TPTE2: variants seen among roughly 807,000 people sequenced by gnomAD.
TPTE2 encodes transmembrane phosphoinositide 3-phosphatase and tensin homolog 2, also known as phosphatidylinositol 3,4,5-trisphosphate 3-phosphatase TPTE2.
A neutral mutation model predicts 78.6 loss-of-function variants in TPTE2; 53 were observed. The observed-to-expected ratio is 0.67, with a 90% CI of 0.54 to 0.85. The LOEUF is 0.85. TPTE2 is among the 40% of genes least tolerant of loss of function. The pLI is 0.00. For synonymous variants in TPTE2, 175 were observed against 206.2 expected (o/e 0.85, Z 1.30); for missense variants, 461 against 623.0 (o/e 0.74, Z 2.77).
intron 1 of TPTE2, among the ~76,000 whole-genome samples, chr13:19,521,694 A>T (rs1662486174): frequency 6.6e-6 from 1 of 152,060 alleles, no homozygotes; most frequent in Non-Finnish European, 1.5e-5. Context: ...TGCAATTAAC[A>T]TGTTGATTTA....
At chr13:19,476,138 G>A (rs1380064891) in intron 4 of TPTE2, among the ~76,000 whole-genome samples, 1 of 152,076 alleles carries the variant, frequency 6.6e-6, no homozygotes, top group Non-Finnish European at 1.5e-5. Context: ...CACATATGAG[G>A]TTGCAAATGA....
intron 1 of TPTE2, among the ~76,000 whole-genome samples, chr13:19,511,685 C>T (rs1312157938): frequency 6.6e-6 from 1 of 152,080 alleles, no homozygotes; most frequent in African/African-American, 2.4e-5. Context: ...GGGGGTCCCA[C>T]TGGCCAAATA....
the TPTE2 span, among the ~76,000 whole-genome samples, chr13:19,558,255 T>G: frequency 6.6e-6 from 1 of 152,218 alleles, no homozygotes; most frequent in Non-Finnish European, 1.5e-5. Flanking sequence ...ACTAGGGGTA[T>G]TTTTTGATTC....
At chr13:19,426,977 T>C (rs758414345) in intron 17 of TPTE2, among the ~76,000 whole-genome samples, 293 of 152,000 alleles carry the variant, frequency 1.9e-3, no homozygotes, top group Non-Finnish European at 1.6e-3. Flanking sequence ...AGTGCTGGAT[T>C]ACAGGCATGA....
At chr13:19,494,384 T>C (rs1280923216) in intron 1 of TPTE2, among the ~76,000 whole-genome samples, 1 of 152,216 alleles carries the variant, frequency 6.6e-6, no homozygotes, top group Admixed American at 6.5e-5. Flanking sequence ...CTGTTTTGTG[T>C]GTGTGTGTAC....
chr13:19,560,646 G>A, the TPTE2 span: 52 of 1,561,184 alleles, frequency 3.3e-5, no homozygotes, highest in South Asian at 2.0e-4. Context: ...CAGCAGGGTC[G>A]GGCAAGGCAT....
chr13:19,471,938 T>C (rs1275325529), intron 6 of TPTE2, among the ~76,000 whole-genome samples: 1 of 152,224 alleles, frequency 6.6e-6, no homozygotes, highest in Non-Finnish European at 1.5e-5. Flanking sequence ...TTTCACTGGA[T>C]ACACTGTTCT....
chr13:19,430,104 G>A (rs1000371772), intron 17 of TPTE2, among the ~76,000 whole-genome samples: 8 of 152,124 alleles, frequency 5.3e-5, no homozygotes. Context: ...TAGAATCAGT[G>A]CTATATAATA....
intron 1 of TPTE2, among the ~76,000 whole-genome samples, chr13:19,528,679 C>T (rs1475871494): frequency 6.6e-6 from 1 of 152,192 alleles, no homozygotes; most frequent in African/African-American, 2.4e-5. Flanking sequence ...CTCAGACTTC[C>T]TTCGAGGCTG....
At chr13:19,429,040 A>G (rs1876356291) in intron 17 of TPTE2, among the ~76,000 whole-genome samples, 1 of 152,212 alleles carries the variant, frequency 6.6e-6, no homozygotes, top group African/African-American at 2.4e-5. Flanking sequence ...TATATTATCT[A>G]ATTGAATTCC....
the TPTE2 span, chr13:19,561,128 G>C: frequency 1.2e-6 from 2 of 1,604,648 alleles, no homozygotes; most frequent in Non-Finnish European, 1.7e-6. Flanking sequence ...GAGGCAGTGG[G>C]TGGGAGCTGG....
intron 10 of TPTE2, among the ~76,000 whole-genome samples, chr13:19,460,896 G>A (rs1263974390): frequency 5.9e-5 from 9 of 152,152 alleles, no homozygotes; most frequent in Non-Finnish European, 8.8e-5. Context: ...CATATGCCCT[G>A]ACTATAATTT....
chr13:19,517,649 C>T (rs892148437), intron 1 of TPTE2, among the ~76,000 whole-genome samples: 12 of 152,158 alleles, frequency 7.9e-5, no homozygotes, highest in African/African-American at 2.7e-4. Context: ...TCAGAGACCT[C>T]ACCTCTAGGT....
chr13:19,471,055 G>A (rs1879583106), intron 6 of TPTE2, among the ~76,000 whole-genome samples: 1 of 151,802 alleles, frequency 6.6e-6, no homozygotes, highest in Non-Finnish European at 1.5e-5. Flanking sequence ...GACTACAGGT[G>A]TGCACCACCA....
chr13:19,487,488 C>T (rs1276222802), intron 3 of TPTE2, among the ~76,000 whole-genome samples: 1 of 152,048 alleles, frequency 6.6e-6, no homozygotes, highest in African/African-American at 2.4e-5. Context: ...GGCTTAGGGG[C>T]CTCTCCCACT....
intron 7 of TPTE2, among the ~76,000 whole-genome samples, chr13:19,466,802 T>C (rs1025069139): frequency 1.3e-5 from 2 of 152,206 alleles, no homozygotes; most frequent in African/African-American, 4.8e-5. Flanking sequence ...GGATTTGTAG[T>C]TGAAGCACAG....
the TPTE2 span, among the ~76,000 whole-genome samples, chr13:19,561,539 G>A: frequency 1.3e-5 from 2 of 152,190 alleles, no homozygotes; most frequent in Non-Finnish European, 2.9e-5. Context: ...CAAGGAAGAG[G>A]AAGTTCTTCC....
chr13:19,545,645 C>A, the TPTE2 span, among the ~76,000 whole-genome samples: 1 of 152,012 alleles, frequency 6.6e-6, no homozygotes, highest in Non-Finnish European at 1.5e-5. Flanking sequence ...TACAGAAGTC[C>A]CTACATGAAG....
the TPTE2 span, chr13:19,560,958 C>A: frequency 6.3e-7 from 1 of 1,595,372 alleles, no homozygotes. Flanking sequence ...TTGAAGAAGG[C>A]TTTGCAGTCC....
Sources: gnomAD v4.1 joint callset for allele counts (sites outside exome capture counted in the v4.1 genomes callset) on GRCh38, gnomAD v4.1.1 for gene constraint, MANE v1.5 for transcripts, NCBI Gene and HGNC (gene_info 2026-07-23, HGNC 2026-07-21) for gene names.